Variants in DIS3L2 observed in about 807,000 individuals in gnomAD.
DIS3L2 encodes DIS3 like 3'-5' exoribonuclease 2, also known as DIS3-like exonuclease 2.
A neutral mutation model predicts 97.5 loss-of-function variants in DIS3L2; 34 were observed. That is an observed-to-expected ratio of 0.35 (90% CI 0.27 to 0.46). DIS3L2 has a LOEUF of 0.46. DIS3L2 is among the 20% of genes least tolerant of loss of function. DIS3L2 has a pLI of 1.00. For synonymous variants in DIS3L2, 435 were observed against 445.2 expected, an observed-to-expected ratio of 0.98 and a Z score of 0.29; for missense variants, 1,038 against 1,146.0, an observed-to-expected ratio of 0.91 and a Z score of 1.36.
Position 232,122,040 on chromosome 2 carries a change from CT to C in DIS3L2, c.602-8576del, listed in dbSNP as rs369324309. Among the ~76,000 whole-genome samples, 1,077 of 152,276 alleles carry C rather than the reference CT, an allele frequency of 7.1e-3. 12 individuals carry two copies. The highest frequency in any genetic ancestry group is 0.022 in the African/African-American group (895 of 41,548). On this transcript the variant is annotated intron_variant, in intron 6 of 20. Transcript: ENST00000325385. The stretch of plus-strand genomic sequence containing the variant: ...AGAAACCTGTCTAAGCTTCCCAATA[CT>C]TTAATCATGTCAGCCTTTTGCCACC...
chr2:232,305,306 A>G lies in DIS3L2; in HGVS notation c.1739+5187A>G, dbSNP rs958438071. On this transcript the variant is annotated intron_variant, in intron 14 of 20. Coordinates refer to ENST00000325385, the MANE Select transcript of DIS3L2 (RefSeq NM_152383.5). ...TTGGCCAGGCTGGTCTCAAACTCCT[A>G]ACCTCAGGTGATCTGCCCAACTCAG... is the stretch of plus-strand genomic sequence containing the variant. 4.6e-5 allele frequency among the ~76,000 whole-genome samples: 7 copies of G among 152,040 alleles called. No individual in the cohort carries two copies. The East Asian group carries it at 1.4e-3, about 30-fold the overall frequency.
At chr2:232,267,055 A>C (rs1273342723) in intron 13 of DIS3L2, among the ~76,000 whole-genome samples, 3 of 152,126 alleles carry the variant, frequency 2.0e-5, no homozygotes, top group Non-Finnish European at 4.4e-5. Flanking sequence ...TAGCCTCAGA[A>C]CTGTAGAGCA....
At chr2:232,231,651 G>A (rs1692795984) in intron 10 of DIS3L2, among the ~76,000 whole-genome samples, 1 of 152,264 alleles carries the variant, frequency 6.6e-6, no homozygotes, top group African/African-American at 2.4e-5. Flanking sequence ...CACAGGCTGG[G>A]TGCTCTCTTG....
intron 5 of DIS3L2, among the ~76,000 whole-genome samples, chr2:232,050,090 T>C (rs1291663801): frequency 2.0e-5 from 3 of 152,222 alleles, no homozygotes; most frequent in Non-Finnish European, 4.4e-5. Context: ...ATTTCCTACC[T>C]GTTTTCATTG....
rs1271543282 is a variant in DIS3L2 at position 232,292,436 on chromosome 2, C to T, written c.1660-7604C>T. 6.6e-6 allele frequency among the ~76,000 whole-genome samples: 1 copy of T among 152,144 alleles called. No individual in the cohort carries two copies. The highest frequency in any genetic ancestry group is 2.4e-5 in the African/African-American group (1 of 41,426). ...ATCCTACCCAGAAAGCTCAGACGGG[C>T]GGAAGGAGGGCCTCTCAAAGGCCCA... is the stretch of plus-strand genomic sequence containing the variant. On this transcript the variant is annotated intron_variant, in intron 13 of 20. Transcript: ENST00000325385. The surrounding 1 kb of genome is among the most constrained non-coding windows in gnomAD (Gnocchi z 4.4).
chr2:232,015,731 A>T, intron 3 of DIS3L2, 60 bp downstream of exon 3: 1 of 1,584,072 alleles, frequency 6.3e-7, no homozygotes, highest in Non-Finnish European at 8.6e-7. Flanking sequence ...ACAATCTATT[A>T]AACTGTTTCC....
At chr2:232,101,065 G>A (rs552590453) in intron 6 of DIS3L2, among the ~76,000 whole-genome samples, 7 of 151,892 alleles carry the variant, frequency 4.6e-5, no homozygotes, top group South Asian at 2.1e-4. Flanking sequence ...GTGAAACCCC[G>A]TCTCTACTAA....
At chr2:232,259,779 C>T (rs56044510) in intron 12 of DIS3L2, 1,821 of 152,212 alleles carry the variant, frequency 0.012, 17 homozygotes, top group Non-Finnish European at 0.018. Flanking sequence ...CTACCATGCC[C>T]GGCTAATTTT....
At chr2:232,285,891 G>T (rs1420103338) in intron 13 of DIS3L2, among the ~76,000 whole-genome samples, 1 of 152,092 alleles carries the variant, frequency 6.6e-6, no homozygotes, top group Non-Finnish European at 1.5e-5. Context: ...ACTTACACTG[G>T]GGTTTCTCTA....
At chr2:232,242,310 A>G (rs1359660826) in intron 11 of DIS3L2, among the ~76,000 whole-genome samples, 1 of 152,208 alleles carries the variant, frequency 6.6e-6, no homozygotes, top group African/African-American at 2.4e-5. Flanking sequence ...CTCAGACTGC[A>G]GATATGGGCT....
chr2:231,978,494 A>G (rs962521850), intron 1 of DIS3L2: 2 of 152,232 alleles, frequency 1.3e-5, no homozygotes, highest in South Asian at 2.1e-4. Context: ...CTGCTTCCAC[A>G]TAGACGTATA....
intron 10 of DIS3L2, among the ~76,000 whole-genome samples, chr2:232,221,502 T>A (rs780382093): frequency 6.6e-6 from 1 of 152,154 alleles, no homozygotes; most frequent in Non-Finnish European, 1.5e-5. Context: ...CATCAGTAGA[T>A]CTTGGAAAAG....
intron 4 of DIS3L2, among the ~76,000 whole-genome samples, chr2:232,029,085 G>A (rs770530359): frequency 3.2e-4 from 48 of 152,056 alleles, no homozygotes; most frequent in Non-Finnish European, 5.3e-4. Flanking sequence ...TGAGTGTTAT[G>A]TTCAATCTTA....
chr2:232,246,133 C>T (rs1693240986), intron 11 of DIS3L2, among the ~76,000 whole-genome samples: 1 of 152,122 alleles, frequency 6.6e-6, no homozygotes, highest in Admixed American at 6.5e-5. Context: ...GTAAATGCAG[C>T]AGAAGAGCAG....
rs563257582 is a variant in DIS3L2, at chr2:232,324,720, A to G, written c.1740-5093A>G. ...ACTGTGTTTTTTGCCCAAGTCCTAG[A>G]GTTGGGGCACCCAGGCCAGTCACAT... is the stretch of plus-strand genomic sequence containing the variant. On this transcript the variant is annotated intron_variant, in intron 14 of 20. Coordinates refer to ENST00000325385, the MANE Select transcript of DIS3L2 (RefSeq NM_152383.5). Among the ~76,000 whole-genome samples the G allele has an allele frequency of 4.6e-5, 7 of 152,326 alleles. No individual in the cohort carries two copies. In the South Asian group the frequency reaches 8.3e-4, roughly 18 times the overall value.
At chr2:232,161,059 G>A (rs1003957286) in intron 8 of DIS3L2, among the ~76,000 whole-genome samples, 3 of 151,884 alleles carry the variant, frequency 2.0e-5, no homozygotes, top group Admixed American at 1.3e-4. Context: ...CTGGGACTGC[G>A]GGCATGCACC....
intron 1 of DIS3L2, among the ~76,000 whole-genome samples, chr2:231,972,061 T>G (rs1326726119): frequency 6.6e-6 from 1 of 151,716 alleles, no homozygotes; most frequent in Non-Finnish European, 1.5e-5. Context: ...GGTGTGCACC[T>G]GTAATCCCAG....
At chr2:232,239,941 G>A (rs1467923958) in intron 11 of DIS3L2, among the ~76,000 whole-genome samples, 1 of 152,196 alleles carries the variant, frequency 6.6e-6, no homozygotes, top group East Asian at 1.9e-4. Context: ...TATCCTCTAG[G>A]GGCTGAAGAT....
At chr2:232,165,629 ATCT>A (rs1316190756) in intron 9 of DIS3L2, among the ~76,000 whole-genome samples, 1 of 152,098 alleles carries the variant, frequency 6.6e-6, no homozygotes, top group East Asian at 1.9e-4. Flanking sequence ...GGCTCAAGTG[ATCT>A]TCTGCCTTAG....
Sources: allele counts gnomAD v4.1 joint callset (sites outside exome capture counted in the v4.1 genomes callset), GRCh38; gene constraint gnomAD v4.1.1; non-coding constraint Gnocchi (gnomAD v3.1); transcripts MANE v1.5; gene names NCBI Gene and HGNC (gene_info 2026-07-23, HGNC 2026-07-21).